The following ARHGEF11 variants were observed in gnomAD, a reference collection of about 807,000 sequenced individuals.
ARHGEF11 encodes the protein Rho guanine exchange factor (GEF) 11.
Under a neutral mutation model 193.7 loss-of-function variants are expected in ARHGEF11, and 55 were observed. The ratio of observed to expected loss-of-function variants is 0.28; its 90% CI spans 0.23 to 0.36. The LOEUF is 0.36. ARHGEF11 is among the 10% of genes least tolerant of loss of function. ARHGEF11 has a pLI of 1.00. For synonymous variants in ARHGEF11, 693 were observed against 768.0 expected, an observed-to-expected ratio of 0.90 and a Z score of 1.62; for missense variants, 1,723 against 2,005.6, an observed-to-expected ratio of 0.86 and a Z score of 2.69.
At chr1:156,964,048 A>C (rs1402723292) in intron 11 of ARHGEF11, among the ~76,000 whole-genome samples, 1 of 152,204 alleles carries the variant, frequency 6.6e-6, no homozygotes, top group Admixed American at 6.5e-5. Flanking sequence ...TTCTGTGCCT[A>C]GTAAGTACTG....
intron 1 of ARHGEF11, among the ~76,000 whole-genome samples, chr1:157,042,600 T>C (rs1380171511): frequency 1.3e-5 from 2 of 152,192 alleles, no homozygotes; most frequent in Admixed American, 6.5e-5. Flanking sequence ...ACAGAACCAC[T>C]GTGAGATTCA....
At chr1:157,022,409 TAAC>T (rs1217053601) in intron 1 of ARHGEF11, among the ~76,000 whole-genome samples, 1 of 152,126 alleles carries the variant, frequency 6.6e-6, no homozygotes. Flanking sequence ...AAATTAAAAA[TAAC>T]AATTCCATTC....
In ARHGEF11 at chr1:157,005,204, C is replaced by G. The variant is rs11264596; in HGVS notation, c.33-19031G>C. ...GCCCGTTGCTTGGGCAGTGGATTTG[C>G]TCAGCTTGGTTTGATGACTGCCTTA... On this transcript the variant is annotated intron_variant, in intron 1 of 40. Coordinates refer to ENST00000368194, the MANE Select transcript of ARHGEF11 (RefSeq NM_198236.3). Among the ~76,000 whole-genome samples, 797 of 152,306 alleles carry G rather than the reference C, an allele frequency of 5.2e-3. 9 individuals carry two copies. The highest frequency in any genetic ancestry group is 0.018 in the African/African-American group (762 of 41,562).
intron 21 of ARHGEF11, among the ~76,000 whole-genome samples, chr1:156,953,802 G>A (rs1659481380): frequency 6.6e-6 from 1 of 152,236 alleles, no homozygotes; most frequent in Non-Finnish European, 1.5e-5. Flanking sequence ...TAGGCTCTAA[G>A]CTTCTTGTGG....
chr1:156,959,536 T>G (rs1358980752), intron 15 of ARHGEF11, among the ~76,000 whole-genome samples: 1 of 152,174 alleles, frequency 6.6e-6, no homozygotes, highest in African/African-American at 2.4e-5. Context: ...TCACACTCCA[T>G]GAAACCTGAG....
chr1:156,969,010 C>T (rs1451420528), intron 10 of ARHGEF11, among the ~76,000 whole-genome samples: 1 of 152,216 alleles, frequency 6.6e-6, no homozygotes, highest in Non-Finnish European at 1.5e-5. Context: ...AAAGGCTTGC[C>T]ACAGTTAATG....
In ARHGEF11 at chr1:156,947,477, T is replaced by C. The variant is rs769895884; in HGVS notation, c.2342-27A>G. 6.4e-6 allele frequency: 10 copies of C among 1,564,690 alleles called. No homozygotes were observed. The East Asian group carries it at 2.0e-4, about 32-fold the overall frequency. On this transcript the variant is annotated intron_variant, in intron 25 of 40. Transcript: ENST00000368194. Reference sequence around the variant, plus strand: ...TGAGCGGTGGTTGTGACAAGGAGGGTAGAAAGCCAGGGAGAAAACGGATCA... The same window carrying C: ...TGAGCGGTGGTTGTGACAAGGAGGGCAGAAAGCCAGGGAGAAAACGGATCA...
At chr1:156,937,155 A>C in intron 39 of ARHGEF11, 94 bp downstream of exon 39, 1 of 1,585,474 alleles carries the variant, frequency 6.3e-7, no homozygotes, top group Admixed American at 1.7e-5. Flanking sequence ...GACAGGATCT[A>C]GGGCTCCCGC....
chr1:156,962,993 A>G (rs1661176001), intron 13 of ARHGEF11, among the ~76,000 whole-genome samples: 1 of 150,484 alleles, frequency 6.6e-6, no homozygotes, highest in Non-Finnish European at 1.5e-5. Flanking sequence ...GCTCCTCCCT[A>G]GGCAGCTGAT....
rs187728478 is a variant in ARHGEF11, at chr1:156,948,291, T to A, written c.2105+28A>T. 495 of 1,611,126 alleles carry A rather than the reference T, an allele frequency of 3.1e-4. 1 individual carries two copies. Among genetic ancestry groups the A allele is most frequent in the Middle Eastern group, 1.7e-3 (10 of 6,048 alleles). On this transcript the variant is annotated intron_variant, in intron 23 of 40. Coordinates refer to ENST00000368194, the MANE Select transcript of ARHGEF11 (RefSeq NM_198236.3). The surrounding 1 kb of genome is among the most constrained non-coding windows in gnomAD (Gnocchi z 4.2). ...CTTGCCGCCACCCCTGAGATGTCCATGGGTGCAGCCGTTGTAGCCCTGCCC... is the reference window on the plus strand; with the variant it reads ...CTTGCCGCCACCCCTGAGATGTCCAAGGGTGCAGCCGTTGTAGCCCTGCCC...
At chr1:156,971,602 A>G in intron 8 of ARHGEF11, 95 bp downstream of exon 8, 1 of 1,475,978 alleles carries the variant, frequency 6.8e-7, no homozygotes, top group South Asian at 1.4e-5. Context: ...AGGTCCTGGC[A>G]TAACCCAAGA....
In ARHGEF11 at chr1:156,935,247, A is replaced by T. The variant is rs529449864; in HGVS notation, c.*753T>A. 3 of 152,272 alleles carry T rather than the reference A, an allele frequency of 2.0e-5. No homozygotes were observed. The highest frequency in any genetic ancestry group is 4.4e-5 in the Non-Finnish European group (3 of 68,032). The allele number at this position is 152,272 out of a possible 1,614,324, so 9.4% of individuals were successfully genotyped here. ...CCATGATCCCCATCTTGTGAAGATGAGAAGTCCAGGGAGGGAGGGAGTAGC... is the reference window on the plus strand; with the variant it reads ...CCATGATCCCCATCTTGTGAAGATGTGAAGTCCAGGGAGGGAGGGAGTAGC... On this transcript the variant is annotated 3_prime_UTR_variant, in exon 41 of 41. Transcript: ENST00000368194.
intron 22 of ARHGEF11, among the ~76,000 whole-genome samples, chr1:156,950,284 A>AG (rs1463571648): frequency 6.6e-6 from 1 of 152,214 alleles, no homozygotes; most frequent in African/African-American, 2.4e-5. Flanking sequence ...ATAAACAGAA[A>AG]GGAGTAACCT....
intron 16 of ARHGEF11, 68 bp from the exon 17 acceptor site, chr1:156,958,932 G>C (rs1202680055): frequency 1.2e-5 from 20 of 1,611,050 alleles, no homozygotes; most frequent in Admixed American, 8.4e-5. Flanking sequence ...CATCCAGAAA[G>C]AACAAGACAA....
chr1:157,038,274 T>C (rs1299213253), intron 1 of ARHGEF11, among the ~76,000 whole-genome samples: 2 of 4,134 alleles, frequency 4.8e-4, no homozygotes, highest in African/African-American at 5.3e-4. Context: ...TGCTCCCAAA[T>C]ACTGGAAAGG....
Position 156,938,463 on chromosome 1 carries a change from A to G in ARHGEF11, c.4147T>C (p.Ser1383Pro). 1 of 1,613,862 alleles carries G rather than the reference A, an allele frequency of 6.2e-7. No homozygotes were observed. The highest frequency in any genetic ancestry group is 8.5e-7 in the Non-Finnish European group (1 of 1,179,892). Reference sequence around the variant, plus strand: ...TCCACTTCAGGTGGCCCAGGCTCTGACTGGCCACTCTCTGGTAGTGCAGGG... The same window carrying G: ...TCCACTTCAGGTGGCCCAGGCTCTGGCTGGCCACTCTCTGGTAGTGCAGGG... ...VVPALPESGQ[S>P]EPGPPEVEGG... Residue 1383 changes from serine to proline, a missense_variant, in exon 38 of 41, where the codon TCA becomes CCA. By Grantham distance (74) the Ser-to-Pro change is moderately conservative (BLOSUM62 -1). Around this residue, in one of 5 missense-constraint regions of ARHGEF11, gnomAD observed 360 missense variants for 344.4 expected, o/e 1.05. Transcript: ENST00000368194.
At chr1:156,985,799 T>C (rs1266615264) in intron 2 of ARHGEF11, 4 of 225,970 alleles carry the variant, frequency 1.8e-5, no homozygotes, top group Admixed American at 5.6e-5. Flanking sequence ...ACAGTGGTTA[T>C]TCATAGGTGT....
In ARHGEF11 at chr1:156,948,314, C is replaced by A. The variant is rs1394202420; in HGVS notation, c.2105+5G>T. The A allele has an allele frequency of 1.2e-6, 2 of 1,613,652 alleles. No homozygotes were observed. The highest frequency in any genetic ancestry group is 1.7e-6 in the Non-Finnish European group (2 of 1,179,608). On this transcript the variant is annotated splice_donor_5th_base_variant and intron_variant, in intron 23 of 40. Transcript: ENST00000368194. This position sits in a 1 kb window ranked among gnomAD's most constrained non-coding sequence, Gnocchi z 4.2. ...CATGGGTGCAGCCGTTGTAGCCCTG[C>A]CCACCTGGTGGAGAGGCTGGAGGTA...
chr1:156,939,410 C>T (rs1656273724), intron 37 of ARHGEF11, 138 bp downstream of exon 37: 3 of 1,229,008 alleles, frequency 2.4e-6, no homozygotes, highest in Admixed American at 4.5e-5. Flanking sequence ...GGCGTTGTCT[C>T]CTTCTTCCAG....
Sources: gnomAD v4.1 joint callset for allele counts (sites outside exome capture counted in the v4.1 genomes callset) on GRCh38, gnomAD v4.1.1 for gene constraint, gnomAD v4.1.1 regional missense constraint, Gnocchi (gnomAD v3.1) non-coding constraint, MANE v1.5 for transcripts, NCBI Gene and HGNC (gene_info 2026-07-23, HGNC 2026-07-21) for gene names.